SWAP70: variants seen among roughly 807,000 people sequenced by gnomAD.
The protein encoded by SWAP70 is switch-associated protein 70.
In SWAP70, 34 loss-of-function variants were observed where a neutral mutation model predicts 80.2. The observed-to-expected ratio is 0.42, with a 90% CI of 0.32 to 0.56. The LOEUF is 0.56. Ranked by LOEUF, SWAP70 falls within the 20% of genes least tolerant of loss-of-function variation. The pLI is 0.09. For synonymous variants in SWAP70, 239 were observed against 238.5 expected (o/e 1.00, Z -0.02); for missense variants, 578 against 690.7 (o/e 0.84, Z 1.83).
At chr11:9,712,626 G>A (rs61878123) in intron 2 of SWAP70, among the ~76,000 whole-genome samples, 27,158 of 152,074 alleles carry the variant, frequency 0.18, 3,145 homozygotes, top group Non-Finnish European at 0.26. Context: ...TACTTGGCTC[G>A]TAGTAGATGC....
chr11:9,689,069 G>T (rs1317190613), intron 1 of SWAP70, among the ~76,000 whole-genome samples: 3 of 152,146 alleles, frequency 2.0e-5, no homozygotes, highest in Admixed American at 2.0e-4. Flanking sequence ...AAGTCTTTTG[G>T]AATAGAAATC....
At position 9,664,254 on chromosome 11, in the gene SWAP70, C is replaced by T; in HGVS notation, c.75C>T (p.Gly25=). 1 of 1,586,608 alleles carries T rather than the reference C, an allele frequency of 6.3e-7. No homozygotes were observed. Among genetic ancestry groups the T allele is most frequent in the South Asian group, 1.2e-5 (1 of 86,656 alleles). The change falls in exon 1 of 12, where the codon GGC becomes GGT. Residue 25 remains glycine, a synonymous_variant. Coordinates refer to ENST00000318950, the MANE Select transcript of SWAP70 (RefSeq NM_015055.4). ...AFTALDQDHS[G]KVSKSQLKVL... is the part of the protein sequence containing the mutation. The stretch of plus-strand genomic sequence containing the variant: ...CCGCACTCGACCAGGACCACAGCGG[C>T]AAGGTCTCCAAGTCCCAGCTCAAGG...
At chr11:9,687,922 C>T (rs1850651988) in intron 1 of SWAP70, among the ~76,000 whole-genome samples, 2 of 152,106 alleles carry the variant, frequency 1.3e-5, no homozygotes, top group South Asian at 4.1e-4. Flanking sequence ...TAAAGATTTC[C>T]TAGAGTTTAT....
intron 2 of SWAP70, among the ~76,000 whole-genome samples, chr11:9,712,819 A>C (rs1329836916): frequency 6.7e-6 from 1 of 149,620 alleles, no homozygotes; most frequent in East Asian, 2.0e-4. Flanking sequence ...GCTCACTGCA[A>C]CCTCCGCCTC....
intron 1 of SWAP70, among the ~76,000 whole-genome samples, chr11:9,685,289 A>T (rs1308381453): frequency 6.6e-6 from 1 of 151,986 alleles, no homozygotes; most frequent in Non-Finnish European, 1.5e-5. Context: ...TTCTACAATG[A>T]TCTTTTCATT....
At chr11:9,686,040 A>C (rs1358757516) in intron 1 of SWAP70, among the ~76,000 whole-genome samples, 2 of 151,990 alleles carry the variant, frequency 1.3e-5, no homozygotes, top group African/African-American at 4.8e-5. Flanking sequence ...TTAATTTTTT[A>C]ATTTTCTATT....
At chr11:9,734,453 A>G (rs181267145) in intron 7 of SWAP70, among the ~76,000 whole-genome samples, 122 of 152,318 alleles carry the variant, frequency 8.0e-4, no homozygotes, top group Non-Finnish European at 1.5e-3. Flanking sequence ...CTGTAGACCT[A>G]TGTAGACAGC....
At chr11:9,746,436 G>T (rs190693878) in intron 9 of SWAP70, among the ~76,000 whole-genome samples, 2 of 152,174 alleles carry the variant, frequency 1.3e-5, no homozygotes, top group African/African-American at 2.4e-5. Flanking sequence ...AGAAAAGCAC[G>T]TAGAAGGCAC....
intron 2 of SWAP70, among the ~76,000 whole-genome samples, chr11:9,704,467 T>C (rs929948423): frequency 1.3e-5 from 2 of 152,122 alleles, no homozygotes; most frequent in Non-Finnish European, 2.9e-5. Flanking sequence ...TAATCTCAGC[T>C]CACTGCAACC....
At position 9,675,684 on chromosome 11, in the gene SWAP70, G is replaced by T. The variant is rs376617876; in HGVS notation, c.99+11406G>T. ...TCTCCCCAAAAAGGGAACCACTTCT[G>T]TCTGCTTCCCTTTCCTTACCTTGAT... is the stretch of plus-strand genomic sequence containing the variant. On this transcript the variant is annotated intron_variant, in intron 1 of 11. Coordinates refer to ENST00000318950, the MANE Select transcript of SWAP70 (RefSeq NM_015055.4). Among the ~76,000 whole-genome samples the T allele has an allele frequency of 6.1e-5, 9 of 148,524 alleles. No homozygotes were observed. In the East Asian group the frequency reaches 1.8e-3, roughly 29 times the overall value.
At chr11:9,725,466 C>A (rs7117197) in intron 4 of SWAP70, among the ~76,000 whole-genome samples, 45,855 of 137,788 alleles carry the variant, frequency 0.33, 7,902 homozygotes, top group Non-Finnish European at 0.35. Flanking sequence ...GGTGGATCAC[C>A]AGGTCAGGAG....
rs763632247 is a variant in SWAP70 at position 9,673,377 on chromosome 11, C to T, written c.99+9099C>T. The stretch of plus-strand genomic sequence containing the variant: ...GAGACACAGGGCGAGGAACTTCTAT[C>T]CTCATGGAGTTGGGGTGCACTGCCC... On this transcript the variant is annotated intron_variant, in intron 1 of 11. Transcript: ENST00000318950. 5.6e-4 allele frequency among the ~76,000 whole-genome samples: 85 copies of T among 152,278 alleles called. 1 individual carries two copies. Among genetic ancestry groups the T allele is most frequent in the South Asian group, 6.2e-4 (3 of 4,824 alleles).
At chr11:9,675,596 A>G (rs993173296) in intron 1 of SWAP70, among the ~76,000 whole-genome samples, 3 of 152,120 alleles carry the variant, frequency 2.0e-5, no homozygotes, top group South Asian at 4.1e-4. Context: ...ATAGCCATAA[A>G]TAAGGTCATT....
intron 3 of SWAP70, 87 bp downstream of exon 3, chr11:9,713,726 A>G: frequency 2.1e-6 from 3 of 1,407,538 alleles, no homozygotes; most frequent in Non-Finnish European, 2.9e-6. Context: ...TTCAGCATAG[A>G]TATGGAAGGA....
chr11:9,667,513 A>G (rs1385095315), intron 1 of SWAP70, among the ~76,000 whole-genome samples: 1 of 152,178 alleles, frequency 6.6e-6, no homozygotes, highest in Non-Finnish European at 1.5e-5. Flanking sequence ...TTGGCCTTCT[A>G]AAGTGCTGGT....
chr11:9,717,098 T>A (rs1038788475), intron 3 of SWAP70, among the ~76,000 whole-genome samples: 2 of 152,142 alleles, frequency 1.3e-5, no homozygotes, highest in African/African-American at 4.8e-5. Context: ...TCGCTGGTGA[T>A]CAAGGAGAAG....
intron 9 of SWAP70, among the ~76,000 whole-genome samples, chr11:9,742,869 T>TA (rs1851458569): frequency 6.8e-6 from 1 of 146,290 alleles, no homozygotes. Flanking sequence ...GCTGCTCAGT[T>TA]AACTCTTCTC....
intron 1 of SWAP70, among the ~76,000 whole-genome samples, chr11:9,688,293 T>C (rs752225150): frequency 3.2e-4 from 49 of 152,208 alleles, no homozygotes; most frequent in African/African-American, 7.2e-4. Context: ...TGTACAGTCT[T>C]ACAGGAGAGA....
chr11:9,676,744 G>T (rs967705836), intron 1 of SWAP70, among the ~76,000 whole-genome samples: 193 of 151,390 alleles, frequency 1.3e-3, no homozygotes, highest in Non-Finnish European at 2.8e-4. Flanking sequence ...CCGCCTCCTG[G>T]GTTTATGCCA....
Sources: gnomAD v4.1 joint callset for allele counts (sites outside exome capture counted in the v4.1 genomes callset) on GRCh38, gnomAD v4.1.1 for gene constraint, MANE v1.5 for transcripts, NCBI Gene and HGNC (gene_info 2026-07-23, HGNC 2026-07-21) for gene names.